CSMD1: variants seen among roughly 807,000 people sequenced by gnomAD.
CSMD1 encodes the protein CUB and Sushi multiple domains 1, also known as CUB and sushi domain-containing protein 1.
A neutral mutation model predicts 417.5 loss-of-function variants in CSMD1; 213 were observed. That is an observed-to-expected ratio of 0.51 (90% CI 0.46 to 0.57). The LOEUF is 0.57. Ranked by LOEUF, CSMD1 falls within the 20% of genes least tolerant of loss-of-function variation. The probability of loss-of-function intolerance (pLI) is 0.00; values close to 1 mark genes in which losing one functional copy is unlikely to be tolerated. For missense variants in CSMD1, 6,923 were observed against 4,529.7 expected (o/e 1.53, Z -15.17); for synonymous variants, 2,862 against 1,736.8 (o/e 1.65, Z -16.11).
chr8:4,768,753 T>C (rs990374766), intron 1 of CSMD1, among the ~76,000 whole-genome samples: 5 of 152,178 alleles, frequency 3.3e-5, no homozygotes, highest in Non-Finnish European at 7.4e-5. Flanking sequence ...TTAGTGATGC[T>C]ACTGGCTTGT....
intron 5 of CSMD1, among the ~76,000 whole-genome samples, chr8:3,960,582 A>C (rs1812256130): frequency 6.6e-6 from 1 of 152,182 alleles, no homozygotes; most frequent in African/African-American, 2.4e-5. Context: ...TTACTGATAA[A>C]GCAAAAAAGT....
intron 25 of CSMD1, among the ~76,000 whole-genome samples, chr8:3,286,010 T>G (rs1803126239): frequency 1.3e-5 from 2 of 152,126 alleles, no homozygotes; most frequent in African/African-American, 4.8e-5. Flanking sequence ...CAGTGTGTGA[T>G]GTTCCCCTTC....
intron 5 of CSMD1, among the ~76,000 whole-genome samples, chr8:3,813,812 T>C (rs908765265): frequency 6.6e-5 from 10 of 151,926 alleles, no homozygotes; most frequent in African/African-American, 2.4e-4. Context: ...ACTGAAAAAC[T>C]TAAAGTATGT....
chr8:4,280,082 T>C (rs544257958), intron 3 of CSMD1, among the ~76,000 whole-genome samples: 7 of 152,342 alleles, frequency 4.6e-5, no homozygotes, highest in African/African-American at 1.4e-4. Flanking sequence ...GCGTTGAAAA[T>C]AAATAACTCT....
At chr8:3,270,130 A>T (rs1477680199) in intron 26 of CSMD1, among the ~76,000 whole-genome samples, 1 of 141,070 alleles carries the variant, frequency 7.1e-6, no homozygotes, top group African/African-American at 2.6e-5. Flanking sequence ...GCCCACTGCA[A>T]CCTCTGCCTC....
chr8:4,388,321 G>GACACAC lies in CSMD1; in HGVS notation c.415+31626_415+31631dup, dbSNP rs71205453. Among the ~76,000 whole-genome samples, 22 of 95,596 alleles carry GACACAC rather than the reference G, an allele frequency of 2.3e-4. No homozygotes were observed. The South Asian group carries it at 3.1e-3, about 13-fold the overall frequency. 62.7% of individuals were successfully genotyped at this position (95,596 alleles called of 152,430 possible). A position where few individuals can be genotyped will look rare whatever the true frequency, so the allele number is the denominator to read the frequency against. On this transcript the variant is annotated intron_variant, in intron 3 of 69. Coordinates refer to ENST00000635120, the MANE Select transcript of CSMD1 (RefSeq NM_033225.6). ...ACTGTGATACACACACACACACACA[G>GACACAC]ACACACACACACACACACACACACG...
At chr8:3,976,802 T>G (rs542847784) in intron 5 of CSMD1, among the ~76,000 whole-genome samples, 2 of 152,316 alleles carry the variant, frequency 1.3e-5, no homozygotes, top group African/African-American at 2.4e-5. Context: ...CAAGGTCGCA[T>G]GCCTGTAGAA....
chr8:3,306,402 G>T (rs569454323), intron 25 of CSMD1, among the ~76,000 whole-genome samples: 2 of 152,286 alleles, frequency 1.3e-5, no homozygotes, highest in Non-Finnish European at 2.9e-5. Context: ...TCGAACTACT[G>T]ATCTTAAGTG....
intron 7 of CSMD1, among the ~76,000 whole-genome samples, chr8:3,707,433 T>A (rs764212923): frequency 3.9e-5 from 6 of 152,086 alleles, no homozygotes; most frequent in Admixed American, 2.6e-4. Context: ...GCTAGAAACA[T>A]CACATGAAAA....
intron 5 of CSMD1, among the ~76,000 whole-genome samples, chr8:3,816,046 G>T (rs116735917): frequency 6.6e-6 from 1 of 152,114 alleles, no homozygotes; most frequent in African/African-American, 2.4e-5. Context: ...GGTCCCCGTG[G>T]GTTGGTTCTG....
At chr8:4,211,573 G>C (rs145101495) in intron 3 of CSMD1, among the ~76,000 whole-genome samples, 1 of 152,156 alleles carries the variant, frequency 6.6e-6, no homozygotes, top group Admixed American at 6.5e-5. Context: ...AAATTAGATA[G>C]AAGTTTTGCT....
intron 2 of CSMD1, among the ~76,000 whole-genome samples, chr8:4,568,662 T>C (rs901533872): frequency 1.2e-4 from 19 of 152,266 alleles, no homozygotes; most frequent in Admixed American, 7.8e-4. Context: ...GGTCAAATGG[T>C]ATTTCTGGTT....
intron 37 of CSMD1, among the ~76,000 whole-genome samples, chr8:3,168,581 C>T (rs545201764): frequency 6.6e-6 from 1 of 151,764 alleles, no homozygotes; most frequent in Non-Finnish European, 1.5e-5. Context: ...ATGTGGACCT[C>T]TGCACCCAGA....
intron 7 of CSMD1, among the ~76,000 whole-genome samples, chr8:3,695,092 G>C (rs1468493011): frequency 6.9e-6 from 1 of 145,900 alleles, no homozygotes; most frequent in Non-Finnish European, 1.6e-5. Flanking sequence ...CCCTGCGTGT[G>C]TGTGTGTGTG....
intron 3 of CSMD1, among the ~76,000 whole-genome samples, chr8:4,408,304 A>C (rs1403630178): frequency 6.6e-6 from 1 of 152,166 alleles, no homozygotes; most frequent in Admixed American, 6.6e-5. Context: ...CAGTGTCAAA[A>C]ACGTCTTCAA....
chr8:3,472,318 T>C (rs1312017995), intron 11 of CSMD1, among the ~76,000 whole-genome samples: 2 of 152,100 alleles, frequency 1.3e-5, no homozygotes, highest in East Asian at 1.9e-4. Context: ...CAACATCTTT[T>C]AACTATTGTA....
At chr8:3,595,816 C>T (rs1185235190) in intron 8 of CSMD1, among the ~76,000 whole-genome samples, 2 of 152,188 alleles carry the variant, frequency 1.3e-5, no homozygotes, top group Non-Finnish European at 2.9e-5. Context: ...TCACGTTCAC[C>T]CACCTATCTA....
chr8:3,806,235 T>TA (rs1800733838), intron 5 of CSMD1, among the ~76,000 whole-genome samples: 1 of 152,108 alleles, frequency 6.6e-6, no homozygotes, highest in South Asian at 2.1e-4. Flanking sequence ...GATTATGGAG[T>TA]ACATGCAGGT....
chr8:3,933,291 T>C (rs1247566167), intron 5 of CSMD1, among the ~76,000 whole-genome samples: 1 of 152,216 alleles, frequency 6.6e-6, no homozygotes, highest in African/African-American at 2.4e-5. Flanking sequence ...CTTTATTCAC[T>C]TTAAAATATA....
Sources: gnomAD v4.1 joint callset for allele counts (sites outside exome capture counted in the v4.1 genomes callset) on GRCh38, gnomAD v4.1.1 for gene constraint, MANE v1.5 for transcripts, NCBI Gene and HGNC (gene_info 2026-07-23, HGNC 2026-07-21) for gene names.